The following GPR39 variants were observed in gnomAD, a reference collection of about 807,000 sequenced individuals.
The protein encoded by GPR39 is G protein-coupled receptor 39.
A neutral mutation model predicts 18.4 loss-of-function variants in GPR39; 23 were observed. The ratio of observed to expected loss-of-function variants is 1.25; its 90% CI spans 0.90 to 1.77. The LOEUF (loss-of-function observed/expected upper bound fraction) is 1.77, where lower values mean the gene tolerates loss of function less well. Among genes scored for constraint, GPR39 ranks in the 40% most tolerant of loss-of-function variants. The pLI is 0.00. For synonymous variants in GPR39, 280 were observed against 257.9 expected, an observed-to-expected ratio of 1.09 and a Z score of -0.82; for missense variants, 647 against 602.4, an observed-to-expected ratio of 1.07 and a Z score of -0.78.
At chr2:132,579,747 C>A (rs1680592749) in intron 1 of GPR39, among the ~76,000 whole-genome samples, 1 of 151,956 alleles carries the variant, frequency 6.6e-6, no homozygotes, top group South Asian at 2.1e-4. Flanking sequence ...AAAGAGCAAA[C>A]AAATGTCTTT....
intron 1 of GPR39, among the ~76,000 whole-genome samples, chr2:132,592,072 TA>T (rs1341803113): frequency 6.6e-6 from 1 of 152,254 alleles, no homozygotes; most frequent in Non-Finnish European, 1.5e-5. Context: ...GAGAATTCAT[TA>T]AATGCCAAGT....
rs115113658 is a variant in GPR39, at chr2:132,635,225, C to T, written c.857-9876C>T. On this transcript the variant is annotated intron_variant, in intron 1 of 1. Transcript: ENST00000329321. ...GGATTCCATAGAGGTTCACCAGAGCCCCTCACCTGGAACTCTCTTTCCCTC... is the reference window on the plus strand; with the variant it reads ...GGATTCCATAGAGGTTCACCAGAGCTCCTCACCTGGAACTCTCTTTCCCTC... Among the ~76,000 whole-genome samples the T allele has an allele frequency of 7.4e-3, 1,125 of 152,148 alleles. 17 individuals are homozygous for T. The highest frequency in any genetic ancestry group is 0.025 in the African/African-American group (1,054 of 41,500).
intron 1 of GPR39, among the ~76,000 whole-genome samples, chr2:132,593,121 G>T (rs1422997735): frequency 6.6e-6 from 1 of 152,212 alleles, no homozygotes; most frequent in South Asian, 2.1e-4. Flanking sequence ...CAAGTGCAAA[G>T]CTTCCATCCT....
intron 1 of GPR39, among the ~76,000 whole-genome samples, chr2:132,578,471 A>G (rs1680566537): frequency 6.6e-6 from 1 of 152,142 alleles, no homozygotes; most frequent in Non-Finnish European, 1.5e-5. Flanking sequence ...ATTTGGTAGA[A>G]TTCTCTAGTG....
intron 1 of GPR39, among the ~76,000 whole-genome samples, chr2:132,479,996 G>A (rs186303278): frequency 5.6e-4 from 86 of 152,234 alleles, no homozygotes; most frequent in African/African-American, 1.9e-3. Flanking sequence ...GGAAAACACC[G>A]TTTGCCATAG....
intron 1 of GPR39, among the ~76,000 whole-genome samples, chr2:132,443,284 T>C (rs1680472930): frequency 6.6e-6 from 1 of 152,226 alleles, no homozygotes; most frequent in African/African-American, 2.4e-5. Flanking sequence ...ATGCTTTTAT[T>C]GCGTAACTCA....
chr2:132,464,850 C>G (rs573752051), intron 1 of GPR39, among the ~76,000 whole-genome samples: 14 of 152,298 alleles, frequency 9.2e-5, no homozygotes, highest in African/African-American at 3.4e-4. Flanking sequence ...GCATATTAGT[C>G]TTGTTCTCTT....
chr2:132,480,025 C>A (rs1352271826), intron 1 of GPR39, among the ~76,000 whole-genome samples: 1 of 152,128 alleles, frequency 6.6e-6, no homozygotes, highest in African/African-American at 2.4e-5. Context: ...TGGAAGCAAC[C>A]CAAATGTCCA....
chr2:132,556,874 C>T (rs2104800083), intron 1 of GPR39, among the ~76,000 whole-genome samples: 2 of 152,252 alleles, frequency 1.3e-5, no homozygotes, highest in South Asian at 4.1e-4. Flanking sequence ...GGGTAGGTGA[C>T]AGGAAATACT....
chr2:132,422,722 C>T (rs1382711387), intron 1 of GPR39, among the ~76,000 whole-genome samples: 1 of 151,988 alleles, frequency 6.6e-6, no homozygotes, highest in East Asian at 1.9e-4. Flanking sequence ...TTTGTGATAG[C>T]TTTCATAAAT....
rs544260969 is a variant in GPR39, at chr2:132,646,254, ATGCACAGGACT to A, written c.*652_*662del. The A allele has an allele frequency of 1.0e-5, 16 of 1,570,888 alleles. No individual in the cohort carries two copies. In the South Asian group the frequency reaches 1.9e-4, roughly 19 times the overall value. ...GAGGCGATGAGACAGGCCGCTGATG[ATGCACAGGACT>A]TGCGGTACATGATCCCTGTAACACA... On this transcript the variant is annotated 3_prime_UTR_variant, in exon 2 of 2. Transcript: ENST00000329321.
intron 1 of GPR39, among the ~76,000 whole-genome samples, chr2:132,581,380 C>G (rs1680620344): frequency 1.3e-5 from 2 of 149,372 alleles, no homozygotes; most frequent in Non-Finnish European, 3.0e-5. Flanking sequence ...TTAAATTTAG[C>G]AAAACTCTTA....
intron 1 of GPR39, among the ~76,000 whole-genome samples, chr2:132,549,423 C>T (rs915042108): frequency 1.1e-4 from 16 of 152,270 alleles, no homozygotes; most frequent in South Asian, 4.1e-4. Context: ...CTGTTTAACA[C>T]GACTGAAAAG....
chr2:132,516,563 T>C lies in GPR39; in HGVS notation c.856+98665T>C, dbSNP rs528325168. Among the ~76,000 whole-genome samples the C allele has an allele frequency of 5.3e-5, 8 of 152,352 alleles. 1 individual carries two copies. The South Asian group carries it at 1.7e-3, about 32-fold the overall frequency. The stretch of plus-strand genomic sequence containing the variant: ...CATACAATGTCAGTGGGGGCTCACC[T>C]GAGGCCTGTTAGTTCAGAAGTTCTC... On this transcript the variant is annotated intron_variant, in intron 1 of 1. Coordinates refer to ENST00000329321, the MANE Select transcript of GPR39 (RefSeq NM_001508.3).
chr2:132,646,085 A>G lies in GPR39; in HGVS notation c.*479A>G, dbSNP rs1464480013. On this transcript the variant is annotated 3_prime_UTR_variant, in exon 2 of 2. Transcript: ENST00000329321. ...GAAGAGGGCTAATTTGAGGAACAGG[A>G]TGGTGGTGCGGAGCCCTGGCCTGAG... 4 of 1,603,058 alleles carry G rather than the reference A, an allele frequency of 2.5e-6. No homozygotes were observed. Among genetic ancestry groups the G allele is most frequent in the Non-Finnish European group, 3.4e-6 (4 of 1,173,848 alleles).
intron 1 of GPR39, among the ~76,000 whole-genome samples, chr2:132,588,306 C>T (rs1015302969): frequency 5.3e-5 from 8 of 152,084 alleles, no homozygotes; most frequent in African/African-American, 2.4e-5. Context: ...GCTCTGTATC[C>T]CTTGGTGGGA....
At position 132,462,967 on chromosome 2, in the gene GPR39, A is replaced by G. The variant is rs577308839; in HGVS notation, c.856+45069A>G. On this transcript the variant is annotated intron_variant, in intron 1 of 1. Transcript: ENST00000329321. Reference sequence around the variant, plus strand: ...TTCAGCCTTTCTACTCCCTTTCTCCAAGGTAAACTTACCACAAGCATGTTT... The same window carrying G: ...TTCAGCCTTTCTACTCCCTTTCTCCGAGGTAAACTTACCACAAGCATGTTT... Among the ~76,000 whole-genome samples, 10 of 152,374 alleles carry G rather than the reference A, an allele frequency of 6.6e-5. No individual in the cohort carries two copies. In the South Asian group the frequency reaches 2.1e-3, roughly 32 times the overall value.
chr2:132,611,180 G>A (rs994712666), intron 1 of GPR39, among the ~76,000 whole-genome samples: 1 of 152,238 alleles, frequency 6.6e-6, no homozygotes, highest in Non-Finnish European at 1.5e-5. Flanking sequence ...AGAACACAGT[G>A]CAGGAAAATT....
intron 1 of GPR39, among the ~76,000 whole-genome samples, chr2:132,541,855 G>T (rs1191246120): frequency 1.3e-5 from 2 of 152,164 alleles, no homozygotes; most frequent in Non-Finnish European, 2.9e-5. Context: ...TAGACCAGGT[G>T]CCTTAAAAAC....
Sources: allele counts gnomAD v4.1 joint callset (sites outside exome capture counted in the v4.1 genomes callset), GRCh38; gene constraint gnomAD v4.1.1; transcripts MANE v1.5; gene names NCBI Gene and HGNC (gene_info 2026-07-23, HGNC 2026-07-21).